The following LRRC4C variants were observed in gnomAD, a reference collection of about 807,000 sequenced individuals.
The protein encoded by LRRC4C is leucine-rich repeat-containing protein 4C.
In LRRC4C, 5 loss-of-function variants were observed where a neutral mutation model predicts 33.6. The ratio of observed to expected loss-of-function variants is 0.15; its 90% confidence interval spans 0.08 to 0.31. The LOEUF is 0.31. LRRC4C is among the 10% of genes least tolerant of loss of function. LRRC4C has a pLI of 1.00. For synonymous variants in LRRC4C, 329 were observed against 302.0 expected (o/e 1.09, Z -0.93); for missense variants, 560 against 796.7 (o/e 0.70, Z 3.58).
chr11:40,819,099 T>G (rs564461832), intron 2 of LRRC4C, among the ~76,000 whole-genome samples: 1 of 152,270 alleles, frequency 6.6e-6, no homozygotes, highest in African/African-American at 2.4e-5. Context: ...TACGTAATCC[T>G]GTTTTTTCTT....
intron 4 of LRRC4C, among the ~76,000 whole-genome samples, chr11:40,245,188 T>C (rs1045099891): frequency 9.2e-5 from 14 of 152,212 alleles, no homozygotes; most frequent in African/African-American, 3.4e-4. Context: ...TCATCTCTTA[T>C]ACAATTTCCT....
At chr11:40,510,791 G>T (rs766044805) in intron 3 of LRRC4C, among the ~76,000 whole-genome samples, 2 of 152,108 alleles carry the variant, frequency 1.3e-5, no homozygotes, top group Non-Finnish European at 2.9e-5. Context: ...AGTATATAGA[G>T]AGTCTAGAGA....
intron 1 of LRRC4C, among the ~76,000 whole-genome samples, chr11:41,221,844 G>T (rs1350035659): frequency 6.6e-6 from 1 of 152,102 alleles, no homozygotes; most frequent in Non-Finnish European, 1.5e-5. Flanking sequence ...TCTAGTTTTA[G>T]AATCTCCTAT....
chr11:40,621,832 A>G (rs1295728007), intron 3 of LRRC4C, among the ~76,000 whole-genome samples: 2 of 151,792 alleles, frequency 1.3e-5, no homozygotes, highest in East Asian at 3.9e-4. Flanking sequence ...TGATGTATTA[A>G]CTCACTTAAC....
At chr11:40,545,038 T>G (rs1956859557) in intron 3 of LRRC4C, among the ~76,000 whole-genome samples, 1 of 152,018 alleles carries the variant, frequency 6.6e-6, no homozygotes, top group Admixed American at 6.6e-5. Context: ...TGCCTTTATT[T>G]TCTTTTAATT....
chr11:40,992,665 G>A (rs1282316518), intron 1 of LRRC4C, among the ~76,000 whole-genome samples: 1 of 152,108 alleles, frequency 6.6e-6, no homozygotes, highest in East Asian at 1.9e-4. Context: ...CTGGTAACAT[G>A]CTCTGAAGTC....
In LRRC4C at chr11:40,343,029, TA is replaced by T. The variant is rs762465383; in HGVS notation, c.-269-23309del. On this transcript the variant is annotated intron_variant, in intron 3 of 6. Transcript: ENST00000528697. ...CTACCGCATTTTTTTATTTTATATA[TA>T]TATTTTTTGCCTAATGTAATGCCTA... Among the ~76,000 whole-genome samples the T allele has an allele frequency of 2.7e-4, 41 of 151,290 alleles. 1 individual carries two copies. The East Asian group carries it at 3.1e-3, about 11-fold the overall frequency.
chr11:40,547,596 A>G (rs894264180), intron 3 of LRRC4C, among the ~76,000 whole-genome samples: 2 of 152,080 alleles, frequency 1.3e-5, no homozygotes, highest in African/African-American at 4.8e-5. Flanking sequence ...TACCTTTTTC[A>G]AAAAGATGAA....
intron 3 of LRRC4C, among the ~76,000 whole-genome samples, chr11:40,342,861 TCTAC>T (rs1049341920): frequency 6.6e-6 from 1 of 152,120 alleles, no homozygotes; most frequent in Admixed American, 6.6e-5. Context: ...TATCTATCTA[TCTAC>T]CTACCTACCT....
chr11:40,713,529 C>T (rs1946565055), intron 2 of LRRC4C, among the ~76,000 whole-genome samples: 1 of 152,122 alleles, frequency 6.6e-6, no homozygotes, highest in Admixed American at 6.6e-5. Context: ...CACAAGAACT[C>T]TTAATTGTTT....
At chr11:41,372,801 A>G (rs1187541979) in intron 1 of LRRC4C, among the ~76,000 whole-genome samples, 3 of 151,742 alleles carry the variant, frequency 2.0e-5, no homozygotes, top group Non-Finnish European at 1.5e-5. Flanking sequence ...AAAAAAAAAA[A>G]AAGAGTAACA....
intron 1 of LRRC4C, among the ~76,000 whole-genome samples, chr11:41,403,328 G>C (rs998476315): frequency 6.6e-6 from 1 of 152,002 alleles, no homozygotes; most frequent in Non-Finnish European, 1.5e-5. Context: ...TGTAACAAAA[G>C]CCTACAGAGG....
chr11:41,404,499 T>TACAC (rs1416800534), intron 1 of LRRC4C, among the ~76,000 whole-genome samples: 1 of 137,868 alleles, frequency 7.3e-6, no homozygotes, highest in Non-Finnish European at 1.6e-5. Context: ...TGTGTGTGTA[T>TACAC]ACACACAGAC....
intron 5 of LRRC4C, among the ~76,000 whole-genome samples, chr11:40,199,195 T>C (rs1488842068): frequency 6.6e-6 from 1 of 152,148 alleles, no homozygotes; most frequent in East Asian, 1.9e-4. Flanking sequence ...CTCAGCCTCC[T>C]GAGCAGCTGG....
In LRRC4C at chr11:40,863,783, C is replaced by T. The variant is rs374446782; in HGVS notation, c.-407+69852G>A. The stretch of plus-strand genomic sequence containing the variant: ...ATGGTTAAAATAGGTCATAATTTGG[C>T]CAAACACAACTTTTAATTTTTCAAA... On this transcript the variant is annotated intron_variant, in intron 2 of 6. Transcript: ENST00000528697. 3.3e-5 allele frequency among the ~76,000 whole-genome samples: 5 copies of T among 152,000 alleles called. No homozygotes were observed. In the East Asian group the frequency reaches 9.7e-4, roughly 29 times the overall value.
intron 1 of LRRC4C, among the ~76,000 whole-genome samples, chr11:41,370,122 A>G (rs1952689069): frequency 6.6e-6 from 1 of 152,168 alleles, no homozygotes; most frequent in African/African-American, 2.4e-5. Context: ...CACATTTCAG[A>G]AAATCTCATC....
chr11:40,765,304 C>T (rs1310740073), intron 2 of LRRC4C, among the ~76,000 whole-genome samples: 1 of 152,150 alleles, frequency 6.6e-6, no homozygotes, highest in Non-Finnish European at 1.5e-5. Flanking sequence ...TCTCCCCTCT[C>T]TCTTTCTTCT....
chr11:40,530,705 C>G (rs756295267), intron 3 of LRRC4C, among the ~76,000 whole-genome samples: 12 of 152,122 alleles, frequency 7.9e-5, no homozygotes, highest in Non-Finnish European at 1.5e-4. Flanking sequence ...GTGGAAGACA[C>G]AGCCATGAAT....
intron 4 of LRRC4C, among the ~76,000 whole-genome samples, chr11:40,298,906 G>T (rs1944641360): frequency 6.6e-6 from 1 of 152,050 alleles, no homozygotes; most frequent in Non-Finnish European, 1.5e-5. Context: ...GGGGGGAAAT[G>T]CTCCCATGAT....
Sources: allele counts gnomAD v4.1 joint callset (sites outside exome capture counted in the v4.1 genomes callset), GRCh38; gene constraint gnomAD v4.1.1; transcripts MANE v1.5; gene names NCBI Gene and HGNC (gene_info 2026-07-23, HGNC 2026-07-21).